STXBP5L: variants seen among roughly 807,000 people sequenced by gnomAD.
The protein encoded by STXBP5L is syntaxin-binding protein 5-like.
In STXBP5L, 65 loss-of-function variants were observed where a neutral mutation model predicts 144.5. The ratio of observed to expected loss-of-function variants is 0.45; its 90% confidence interval spans 0.37 to 0.55. STXBP5L has a LOEUF of 0.55. Among genes scored for constraint, STXBP5L ranks in the 20% least tolerant of loss-of-function variants. The pLI, the probability that STXBP5L is intolerant of heterozygous loss-of-function variation, is 0.00. For synonymous variants in STXBP5L, 505 were observed against 469.6 expected (o/e 1.08, Z -0.97); for missense variants, 1,298 against 1,405.5 (o/e 0.92, Z 1.22).
chr3:121,187,182 A>T (rs953493747), intron 9 of STXBP5L, among the ~76,000 whole-genome samples: 1 of 152,230 alleles, frequency 6.6e-6, no homozygotes, highest in African/African-American at 2.4e-5. Context: ...CTGGATGAAG[A>T]AAATGTGGCA....
At chr3:121,213,962 C>A (rs2048680041) in intron 10 of STXBP5L, among the ~76,000 whole-genome samples, 3 of 152,076 alleles carry the variant, frequency 2.0e-5, no homozygotes, top group South Asian at 2.1e-4. Flanking sequence ...GGAATTTATC[C>A]ATTTCTTCTA....
intron 19 of STXBP5L, among the ~76,000 whole-genome samples, chr3:121,290,562 C>A (rs936226626): frequency 6.6e-6 from 1 of 152,074 alleles, no homozygotes. Context: ...TTCTGTGAAG[C>A]CAGTATCACC....
At chr3:121,077,882 C>T (rs1031658435) in intron 5 of STXBP5L, among the ~76,000 whole-genome samples, 1 of 152,016 alleles carries the variant, frequency 6.6e-6, no homozygotes. Context: ...GGTGTGTTTA[C>T]AAACCTTGAG....
intron 5 of STXBP5L, among the ~76,000 whole-genome samples, chr3:121,064,316 G>T (rs555723229): frequency 1.3e-5 from 2 of 152,192 alleles, no homozygotes; most frequent in African/African-American, 4.8e-5. Flanking sequence ...TATCTAACCA[G>T]TCCCAGTGAG....
At chr3:121,411,787 C>T (rs992123215) in intron 23 of STXBP5L, among the ~76,000 whole-genome samples, 1 of 152,070 alleles carries the variant, frequency 6.6e-6, no homozygotes, top group African/African-American at 2.4e-5. Context: ...GAATGGGGAG[C>T]AAAACCACTT....
At chr3:121,097,904 G>T (rs957793882) in intron 5 of STXBP5L, among the ~76,000 whole-genome samples, 3 of 152,094 alleles carry the variant, frequency 2.0e-5, no homozygotes, top group African/African-American at 7.2e-5. Context: ...TTGTAATCTT[G>T]GTTATAGAGG....
At chr3:120,973,591 G>T (rs970571756) in intron 3 of STXBP5L, among the ~76,000 whole-genome samples, 2 of 151,914 alleles carry the variant, frequency 1.3e-5, no homozygotes, top group Admixed American at 6.6e-5. Flanking sequence ...TGTGCACAAT[G>T]TGCAGGTTAG....
chr3:121,305,291 A>G (rs552267190), intron 19 of STXBP5L, among the ~76,000 whole-genome samples: 2 of 152,314 alleles, frequency 1.3e-5, no homozygotes, highest in African/African-American at 4.8e-5. Context: ...TAAAAGAAGA[A>G]GGAAATCTTT....
In STXBP5L at chr3:121,318,508, T is replaced by C; in HGVS notation, c.2144T>C (p.Leu715Pro). Residue 715 changes from leucine (L) to proline (P), a missense_variant, in exon 20 of 27, where the codon CTA becomes CCA. Leu to Pro is a moderately conservative substitution (Grantham distance 98). Coordinates refer to ENST00000471454, the MANE Select transcript of STXBP5L (RefSeq NM_001308330.2). ...LTELNDSPVPLELERCKSPTS... is the reference protein window; with the variant it reads ...LTELNDSPVPPELERCKSPTS... ...GAACTGAATGACAGTCCAGTTCCCCTAGAACTTGAGCGCTGCAAGTCTCCT... is the reference window on the plus strand; with the variant it reads ...GAACTGAATGACAGTCCAGTTCCCCCAGAACTTGAGCGCTGCAAGTCTCCT... The C allele has an allele frequency of 6.4e-7, 1 of 1,566,132 alleles. No homozygotes were observed. Among genetic ancestry groups the C allele is most frequent in the Non-Finnish European group, 8.6e-7 (1 of 1,156,658 alleles).
chr3:121,009,854 A>G (rs1280595231), intron 3 of STXBP5L, among the ~76,000 whole-genome samples: 1 of 151,962 alleles, frequency 6.6e-6, no homozygotes, highest in Middle Eastern at 3.4e-3. Flanking sequence ...TTCTTTTTGA[A>G]TGATGAATGT....
At chr3:121,277,317 A>T (rs1449342512) in intron 18 of STXBP5L, among the ~76,000 whole-genome samples, 2 of 152,058 alleles carry the variant, frequency 1.3e-5, no homozygotes, top group Non-Finnish European at 2.9e-5. Flanking sequence ...CACCTTCCAA[A>T]GTTCCCACCT....
intron 19 of STXBP5L, among the ~76,000 whole-genome samples, chr3:121,304,983 GA>G (rs969760680): frequency 3.3e-5 from 5 of 150,478 alleles, no homozygotes; most frequent in Admixed American, 2.0e-4. Flanking sequence ...TACCAGGAGT[GA>G]AAAAAAAGCA....
intron 3 of STXBP5L, among the ~76,000 whole-genome samples, chr3:120,985,766 T>C (rs899171788): frequency 3.9e-5 from 6 of 151,984 alleles, no homozygotes; most frequent in Non-Finnish European, 8.8e-5. Flanking sequence ...AGTAGTAATA[T>C]TCCATTTTTC....
chr3:121,169,077 T>A (rs1343529793), intron 9 of STXBP5L, among the ~76,000 whole-genome samples: 2 of 152,142 alleles, frequency 1.3e-5, no homozygotes, highest in Non-Finnish European at 2.9e-5. Flanking sequence ...GAATTTCATA[T>A]CCAGCCAAAC....
At chr3:120,961,994 T>C (rs916761105) in intron 3 of STXBP5L, among the ~76,000 whole-genome samples, 2 of 152,232 alleles carry the variant, frequency 1.3e-5, no homozygotes, top group African/African-American at 4.8e-5. Flanking sequence ...TATCTCATTG[T>C]GGGTTTGAAT....
chr3:121,189,163 C>CT (rs2047528152), intron 9 of STXBP5L, among the ~76,000 whole-genome samples: 2 of 152,188 alleles, frequency 1.3e-5, no homozygotes, highest in Admixed American at 1.3e-4. Flanking sequence ...TTCTCCCATT[C>CT]TTTAAGTTTC....
At chr3:121,303,069 G>T (rs1316197317) in intron 19 of STXBP5L, among the ~76,000 whole-genome samples, 1 of 152,088 alleles carries the variant, frequency 6.6e-6, no homozygotes, top group Non-Finnish European at 1.5e-5. Context: ...CACAGCAAAA[G>T]AAACTACCAT....
intron 26 of STXBP5L, 72 bp from the exon 27 acceptor site, chr3:121,418,984 C>A: frequency 1.3e-6 from 2 of 1,495,068 alleles, no homozygotes; most frequent in South Asian, 1.3e-5. Context: ...ATGATTAGCT[C>A]AAAATGGCCT....
Position 121,036,357 on chromosome 3 carries a change from A to G in STXBP5L, c.288-5343A>G, listed in dbSNP as rs556418782. 6.6e-5 allele frequency among the ~76,000 whole-genome samples: 10 copies of G among 152,130 alleles called. 1 individual carries two copies. Among genetic ancestry groups the G allele is most frequent in the Non-Finnish European group, 1.0e-4 (7 of 67,998 alleles). ...TTAAAAAAAATTGATTTTGCATTCT[A>G]CAACCTTATTATTTGTTTCAGTAAT... On this transcript the variant is annotated intron_variant, in intron 3 of 26. Transcript: ENST00000471454.
Sources: gnomAD v4.1 joint callset for allele counts (sites outside exome capture counted in the v4.1 genomes callset) on GRCh38, gnomAD v4.1.1 for gene constraint, MANE v1.5 for transcripts, NCBI Gene and HGNC (gene_info 2026-07-23, HGNC 2026-07-21) for gene names.